The following COL27A1 variants were observed in gnomAD, a reference collection of about 807,000 sequenced individuals.
COL27A1 encodes collagen type XXVII alpha 1 chain.
COL27A1 carries 106 observed loss-of-function variants against 251.3 expected under a neutral mutation model. The ratio of observed to expected loss-of-function variants is 0.42; its 90% CI spans 0.36 to 0.50. The LOEUF is 0.50. Ranked by LOEUF, COL27A1 falls within the 20% of genes least tolerant of loss-of-function variation. The pLI, the probability that COL27A1 is intolerant of heterozygous loss-of-function variation, is 0.00. For missense variants in COL27A1, 2,325 were observed against 2,522.8 expected (o/e 0.92, Z 1.68); for synonymous variants, 1,000 against 986.3 (o/e 1.01, Z -0.26).
chr9:114,228,072 G>T (rs1011988898), intron 14 of COL27A1, among the ~76,000 whole-genome samples: 4 of 152,146 alleles, frequency 2.6e-5, no homozygotes, highest in African/African-American at 9.7e-5. Context: ...GGTTGCCCAT[G>T]CCCATGGGAT....
At chr9:114,281,637 C>A (rs1480014880) in intron 37 of COL27A1, among the ~76,000 whole-genome samples, 1 of 152,222 alleles carries the variant, frequency 6.6e-6, no homozygotes, top group Admixed American at 6.5e-5. Flanking sequence ...TCGCAAGTGA[C>A]GCACAACATC....
intron 11 of COL27A1, among the ~76,000 whole-genome samples, chr9:114,210,675 G>T (rs10982107): frequency 0.29 from 43,440 of 151,934 alleles, 7,348 homozygotes; most frequent in East Asian, 0.64. Context: ...ACCTGAGCCC[G>T]TATCTATGGG....
Position 114,292,122 on chromosome 9 carries a change from G to T in COL27A1, c.4496G>T (p.Gly1499Val). Residue 1499 changes from glycine (G) to valine (V), a missense_variant, in exon 49 of 61, where the codon GGA (glycine) becomes GTA (valine). Gly to Val is a moderately radical substitution (Grantham distance 109). Around this residue, in one of 4 missense-constraint regions of COL27A1, gnomAD observed 153 missense variants for 140.7 expected, o/e 1.09. Transcript: ENST00000356083. Reference protein sequence around the residue: ...PGFKGESGLPGQLGPPGKRGT... With the variant: ...PGFKGESGLPVQLGPPGKRGT... Reference sequence around the variant, plus strand: ...TTTAAGGGTGAGAGTGGGTTACCCGGACAGCTGGGTCCCCCTGGCAAGCGA... The same window carrying T: ...TTTAAGGGTGAGAGTGGGTTACCCGTACAGCTGGGTCCCCCTGGCAAGCGA... The T allele has an allele frequency of 6.4e-7, 1 of 1,558,582 alleles. No individual in the cohort carries two copies. Among genetic ancestry groups the T allele is most frequent in the Non-Finnish European group, 8.7e-7 (1 of 1,150,988 alleles).
Position 114,178,271 on chromosome 9 carries a change from T to A in COL27A1, c.1909-20T>A. 1 of 1,611,736 alleles carries A rather than the reference T, an allele frequency of 6.2e-7. No individual in the cohort carries two copies. Among genetic ancestry groups the A allele is most frequent in the Non-Finnish European group, 8.5e-7 (1 of 1,177,850 alleles). On this transcript the variant is annotated intron_variant, in intron 3 of 60. Transcript: ENST00000356083. ...TGCCAGTGGGCACTGTCTAATGCTG[T>A]CTTCTTGTTTTCTCCTCAGGGTCCC...
chr9:114,216,167 A>G (rs1830699840), intron 12 of COL27A1, among the ~76,000 whole-genome samples: 1 of 152,190 alleles, frequency 6.6e-6, no homozygotes, highest in Non-Finnish European at 1.5e-5. Flanking sequence ...GCCTTGTTCT[A>G]TCTCCTCTTG....
At chr9:114,206,634 C>T (rs546132032) in intron 10 of COL27A1, among the ~76,000 whole-genome samples, 19 of 152,298 alleles carry the variant, frequency 1.2e-4, no homozygotes, top group African/African-American at 3.8e-4. Context: ...AATTGCCTGT[C>T]GTCGAATCTT....
intron 21 of COL27A1, among the ~76,000 whole-genome samples, chr9:114,241,279 G>T (rs2135479231): frequency 6.6e-6 from 1 of 152,392 alleles, no homozygotes; most frequent in Middle Eastern, 3.4e-3. Context: ...TGGGCTGAGG[G>T]TGCGGGAAGC....
At chr9:114,157,432 T>C (rs1325556102) in intron 1 of COL27A1, among the ~76,000 whole-genome samples, 3 of 152,242 alleles carry the variant, frequency 2.0e-5, no homozygotes, top group Non-Finnish European at 4.4e-5. Context: ...GTCATGTCTA[T>C]GGACACATCC....
chr9:114,155,970 G>T lies in COL27A1; in HGVS notation c.20G>T (p.Arg7Leu), dbSNP rs558566848. 22 of 1,287,970 alleles carry T rather than the reference G, an allele frequency of 1.7e-5. No homozygotes were observed. In the East Asian group the frequency reaches 5.1e-4, roughly 30 times the overall value. 79.8% of individuals were successfully genotyped at this position (1,287,970 alleles called of 1,614,324 possible). Residue 7 changes from arginine to leucine, a missense_variant, in exon 1 of 61, where the codon CGG becomes CTG. Physicochemically the swap from Arg to Leu is moderately radical, Grantham distance 102. Around this residue, in one of 4 missense-constraint regions of COL27A1, gnomAD observed 1,183 missense variants for 1,144.1 expected, o/e 1.03. Coordinates refer to ENST00000356083, the MANE Select transcript of COL27A1 (RefSeq NM_032888.4). The surrounding 1 kb of genome is among the most constrained non-coding windows in gnomAD (Gnocchi z 5.5). ...CCTGCCATGGGAGCGGGATCGGCGC[G>T]GGGGGCCCGAGGCACAGCGGCGGCG... is the stretch of plus-strand genomic sequence containing the variant. MGAGSA[R>L]GARGTAAAAA...
At chr9:114,268,491 C>T (rs1316494823) in intron 34 of COL27A1, among the ~76,000 whole-genome samples, 1 of 152,162 alleles carries the variant, frequency 6.6e-6, no homozygotes, top group Non-Finnish European at 1.5e-5. Flanking sequence ...GGGCTTCCTC[C>T]TCGTTTGGGT....
At chr9:114,246,335 A>G (rs545064792) in intron 24 of COL27A1, among the ~76,000 whole-genome samples, 1 of 152,146 alleles carries the variant, frequency 6.6e-6, no homozygotes, top group South Asian at 2.1e-4. Flanking sequence ...TAAATTATAT[A>G]GAAGATGAAA....
At chr9:114,191,733 G>C (rs1022917735) in intron 5 of COL27A1, among the ~76,000 whole-genome samples, 8 of 152,186 alleles carry the variant, frequency 5.3e-5, no homozygotes, top group African/African-American at 1.9e-4. Context: ...ATATACAAGT[G>C]CATGTATCTT....
Position 114,290,100 on chromosome 9 carries a change from A to G in COL27A1, c.4249A>G (p.Arg1417Gly), listed in dbSNP as rs1214511070. 1 of 1,611,534 alleles carries G rather than the reference A, an allele frequency of 6.2e-7. No homozygotes were observed. The highest frequency in any genetic ancestry group is 8.5e-7 in the Non-Finnish European group (1 of 1,179,900). Residue 1417 changes from arginine (R) to glycine (G), a missense_variant, in exon 46 of 61, where the codon AGG becomes GGG. Physicochemically the swap from Arg to Gly is moderately radical, Grantham distance 125. Transcript: ENST00000356083. This position sits in a 1 kb window ranked among gnomAD's most constrained non-coding sequence, Gnocchi z 4.6. ...AGGCAAGGCAGGGGCCCCAGGCCGG[A>G]GGGGGGTCCAGGTGAGTGACTACAG... ...KQGKAGAPGR[R>G]GVQGLQGLPG...
At chr9:114,243,829 G>A (rs763366473) in intron 23 of COL27A1, among the ~76,000 whole-genome samples, 4 of 152,154 alleles carry the variant, frequency 2.6e-5, no homozygotes, top group Non-Finnish European at 4.4e-5. Context: ...CCTGAATGTG[G>A]GGTGGGGGTG....
chr9:114,157,091 C>T (rs2134986170), intron 1 of COL27A1, among the ~76,000 whole-genome samples: 2 of 128,728 alleles, frequency 1.6e-5, no homozygotes, highest in Middle Eastern at 3.5e-3. Flanking sequence ...CACACACACA[C>T]ACACACACAC....
At chr9:114,301,511 C>A (rs1404184424) in intron 54 of COL27A1, 49 bp downstream of exon 54, 1 of 1,585,756 alleles carries the variant, frequency 6.3e-7, no homozygotes, top group Non-Finnish European at 8.6e-7. Context: ...GGGGCGGGCA[C>A]CCTGCATTCT....
At chr9:114,205,079 G>A in intron 7 of COL27A1, 23 bp from the exon 8 acceptor site, 1 of 1,613,298 alleles carries the variant, frequency 6.2e-7, no homozygotes, top group South Asian at 1.1e-5. Flanking sequence ...CCTGCCTGAT[G>A]CAGCTTCTTC....
At chr9:114,276,722 T>G (rs1311481832) in intron 37 of COL27A1, among the ~76,000 whole-genome samples, 1 of 152,212 alleles carries the variant, frequency 6.6e-6, no homozygotes, top group Non-Finnish European at 1.5e-5. Flanking sequence ...CTAACAGAAA[T>G]GTACTTAGTC....
chr9:114,304,308 C>T (rs1828872993), intron 56 of COL27A1, among the ~76,000 whole-genome samples: 1 of 152,172 alleles, frequency 6.6e-6, no homozygotes, highest in African/African-American at 2.4e-5. Flanking sequence ...GGTGCCAGAG[C>T]ACATATGAGG....
Sources: gnomAD v4.1 joint callset for allele counts (sites outside exome capture counted in the v4.1 genomes callset) on GRCh38, gnomAD v4.1.1 for gene constraint, gnomAD v4.1.1 regional missense constraint, Gnocchi (gnomAD v3.1) non-coding constraint, MANE v1.5 for transcripts, NCBI Gene and HGNC (gene_info 2026-07-23, HGNC 2026-07-21) for gene names.